Variants in CTNNA2 observed in about 807,000 individuals in gnomAD.
CTNNA2 encodes catenin alpha-2.
CTNNA2 carries 42 observed loss-of-function variants against 101.0 expected under a neutral mutation model. The ratio of observed to expected loss-of-function variants is 0.42; its 90% CI spans 0.32 to 0.54. The LOEUF (loss-of-function observed/expected upper bound fraction) is 0.54. Among genes scored for constraint, CTNNA2 ranks in the 20% least tolerant of loss-of-function variants. The pLI is 0.14. For synonymous variants in CTNNA2, 450 were observed against 456.4 expected, an observed-to-expected ratio of 0.99 and a Z score of 0.18; for missense variants, 871 against 1,223.1, an observed-to-expected ratio of 0.71 and a Z score of 4.29.
intron 2 of CTNNA2, among the ~76,000 whole-genome samples, chr2:79,259,449 A>G (rs1674892068): frequency 6.6e-6 from 1 of 152,228 alleles, no homozygotes; most frequent in Admixed American, 6.5e-5. Flanking sequence ...TGAACAGGAA[A>G]AGAATCTGAG....
chr2:79,758,590 C>G (rs1171904984), intron 3 of CTNNA2, among the ~76,000 whole-genome samples: 8 of 152,046 alleles, frequency 5.3e-5, no homozygotes, highest in Admixed American at 5.2e-4. Flanking sequence ...AGCTCTTGCC[C>G]CCTCCTTCCT....
chr2:79,908,858 G>A (rs915928252), intron 6 of CTNNA2, among the ~76,000 whole-genome samples: 2 of 152,170 alleles, frequency 1.3e-5, no homozygotes, highest in Non-Finnish European at 2.9e-5. Flanking sequence ...CTACCTCGGG[G>A]CATCTCTGCC....
At chr2:79,515,217 T>C (rs550955834) in intron 1 of CTNNA2, among the ~76,000 whole-genome samples, 15 of 152,350 alleles carry the variant, frequency 9.8e-5, no homozygotes, top group South Asian at 8.3e-4. Flanking sequence ...CCTGTGTGTA[T>C]TGGAATGCTT....
At chr2:79,852,151 A>T (rs1019255425) in intron 3 of CTNNA2, among the ~76,000 whole-genome samples, 1 of 152,188 alleles carries the variant, frequency 6.6e-6, no homozygotes, top group African/African-American at 2.4e-5. Flanking sequence ...ACGCATTTAG[A>T]CAAAAGATGA....
intron 7 of CTNNA2, among the ~76,000 whole-genome samples, chr2:80,144,326 A>G (rs1703195766): frequency 6.6e-6 from 1 of 152,134 alleles, no homozygotes; most frequent in South Asian, 2.1e-4. Context: ...CTCCTCCTTA[A>G]CAATACCAGA....
chr2:80,237,292 T>C (rs1239103650), intron 7 of CTNNA2, among the ~76,000 whole-genome samples: 1 of 152,214 alleles, frequency 6.6e-6, no homozygotes, highest in Non-Finnish European at 1.5e-5. Context: ...AATTGAATAA[T>C]GTGTTTGTTC....
At chr2:79,327,432 G>T (rs928107137) in intron 3 of CTNNA2, among the ~76,000 whole-genome samples, 4 of 152,166 alleles carry the variant, frequency 2.6e-5, no homozygotes, top group Non-Finnish European at 4.4e-5. Flanking sequence ...CAGGAATACA[G>T]GATTGAGCCT....
At chr2:80,490,541 G>A (rs1686983767) in intron 9 of CTNNA2, among the ~76,000 whole-genome samples, 2 of 151,858 alleles carry the variant, frequency 1.3e-5, no homozygotes, top group Admixed American at 6.6e-5. Flanking sequence ...ACTACTCTTT[G>A]TCTGTGGGAT....
chr2:80,336,787 C>A (rs1671796368), intron 7 of CTNNA2, among the ~76,000 whole-genome samples: 1 of 152,176 alleles, frequency 6.6e-6, no homozygotes, highest in Admixed American at 6.5e-5. Flanking sequence ...AAAGCAGGTT[C>A]CGTAAGGTGC....
chr2:79,876,236 A>T (rs1683015054), intron 6 of CTNNA2, among the ~76,000 whole-genome samples: 2 of 152,054 alleles, frequency 1.3e-5, no homozygotes, highest in South Asian at 4.1e-4. Flanking sequence ...GTCTTTTTTT[A>T]TATTCTAGAA....
intron 12 of CTNNA2, among the ~76,000 whole-genome samples, chr2:80,568,614 A>G (rs912243453): frequency 2.0e-5 from 3 of 151,788 alleles, no homozygotes; most frequent in Admixed American, 6.6e-5. Context: ...GGATGCTATA[A>G]AATTACAGAG....
chr2:79,874,124 G>A lies in CTNNA2; in HGVS notation c.634G>A (p.Ala212Thr), dbSNP rs1262718329. The change falls in exon 6 of 19, where the codon GCT (alanine) becomes ACT (threonine). Residue 212 changes from alanine to threonine, a missense_variant. Around this residue, in one of 5 missense-constraint regions of CTNNA2, gnomAD observed 647 missense variants for 831.5 expected, o/e 0.78. Coordinates refer to ENST00000402739, the MANE Select transcript of CTNNA2 (RefSeq NM_001282597.3). ...CRDEMAAARG[A>T]LKKNATMLYT... is the part of the protein sequence containing the mutation. ...GGATGAGATGGCAGCCGCCCGAGGGGCTCTGAAGAAGAATGCCACAATGCT... is the reference window on the plus strand; with the variant it reads ...GGATGAGATGGCAGCCGCCCGAGGGACTCTGAAGAAGAATGCCACAATGCT... 2.5e-6 allele frequency: 4 copies of A among 1,614,188 alleles called. No homozygotes were observed. Among genetic ancestry groups the A allele is most frequent in the Non-Finnish European group, 3.4e-6 (4 of 1,180,034 alleles).
At chr2:79,981,855 C>G (rs994361544) in intron 7 of CTNNA2, among the ~76,000 whole-genome samples, 1 of 151,898 alleles carries the variant, frequency 6.6e-6, no homozygotes, top group Non-Finnish European at 1.5e-5. Flanking sequence ...AGTATAAATC[C>G]TGGCAAACTT....
chr2:79,373,102 T>C (rs1677909244), intron 3 of CTNNA2, among the ~76,000 whole-genome samples: 1 of 152,186 alleles, frequency 6.6e-6, no homozygotes, highest in Non-Finnish European at 1.5e-5. Context: ...GTTATAATGG[T>C]TTGCGTTGTG....
intron 7 of CTNNA2, among the ~76,000 whole-genome samples, chr2:80,114,373 A>G (rs2148866349): frequency 6.6e-6 from 1 of 152,322 alleles, no homozygotes; most frequent in Middle Eastern, 3.4e-3. Context: ...TCATTTTTAA[A>G]ACATGAAAAC....
chr2:79,503,098 A>T (rs1476792894), intron 4 of CTNNA2, among the ~76,000 whole-genome samples: 1 of 152,242 alleles, frequency 6.6e-6, no homozygotes, highest in African/African-American at 2.4e-5. Flanking sequence ...ACCTGGTATC[A>T]GAGTGATTGC....
chr2:79,346,218 T>C (rs1176782181), intron 3 of CTNNA2, among the ~76,000 whole-genome samples: 2 of 152,136 alleles, frequency 1.3e-5, no homozygotes, highest in Non-Finnish European at 2.9e-5. Flanking sequence ...CCGCTAAGCA[T>C]TGAGGGAACA....
At chr2:80,107,727 A>T (rs564014787) in intron 7 of CTNNA2, among the ~76,000 whole-genome samples, 1 of 152,218 alleles carries the variant, frequency 6.6e-6, no homozygotes, top group Non-Finnish European at 1.5e-5. Flanking sequence ...CACTGAGCTG[A>T]TAACACACTA....
chr2:79,768,878 T>A (rs149448760), intron 3 of CTNNA2, among the ~76,000 whole-genome samples: 4 of 152,104 alleles, frequency 2.6e-5, no homozygotes, highest in African/African-American at 7.2e-5. Flanking sequence ...TTTTTGAGAC[T>A]GAGTCTCACT....
Sources: gnomAD v4.1 joint callset for allele counts (sites outside exome capture counted in the v4.1 genomes callset) on GRCh38, gnomAD v4.1.1 for gene constraint, gnomAD v4.1.1 regional missense constraint, MANE v1.5 for transcripts, NCBI Gene and HGNC (gene_info 2026-07-23, HGNC 2026-07-21) for gene names.